Variants in RSPH14 observed in about 807,000 individuals in gnomAD.
RSPH14 encodes the protein rhabdoid tumor deletion region gene 1.
Under a neutral mutation model 26.7 loss-of-function variants are expected in RSPH14, and 20 were observed. The observed-to-expected ratio is 0.75, with a 90% CI of 0.53 to 1.09. The LOEUF is 1.09. RSPH14 is among the 50% of genes least tolerant of loss of function. RSPH14 has a pLI of 0.00. For missense variants in RSPH14, 449 were observed against 457.2 expected, an observed-to-expected ratio of 0.98 and a Z score of 0.16; for synonymous variants, 177 against 189.3, an observed-to-expected ratio of 0.93 and a Z score of 0.53.
chr22:23,145,493 C>G (rs774591776), upstream of RSPH14: 15 of 1,607,862 alleles, frequency 9.3e-6, no homozygotes, highest in South Asian at 1.6e-4. Context: ...ATGGTGATCG[C>G]CGCCGCTGGC....
chr22:23,118,611 C>T (rs1419839004), intron 4 of RSPH14, among the ~76,000 whole-genome samples: 2 of 152,204 alleles, frequency 1.3e-5, no homozygotes, highest in Non-Finnish European at 2.9e-5. Context: ...CCTCTTGAGG[C>T]CTTGGGCCCC....
At chr22:23,077,523 G>A (rs2068539765) in intron 4 of RSPH14, among the ~76,000 whole-genome samples, 7 of 152,184 alleles carry the variant, frequency 4.6e-5, no homozygotes. Context: ...AGCCTTCTTG[G>A]AATTGGGAGG....
the RSPH14 span, chr22:23,161,669 C>A: frequency 9.7e-7 from 1 of 1,035,594 alleles, no homozygotes; most frequent in Non-Finnish European, 1.4e-6. Flanking sequence ...GTGTCGCCCT[C>A]AAGCTGTAGG....
chr22:23,077,925 C>A (rs2068551026), intron 4 of RSPH14, among the ~76,000 whole-genome samples: 1 of 152,214 alleles, frequency 6.6e-6, no homozygotes, highest in Non-Finnish European at 1.5e-5. Context: ...GTGGCCAGGC[C>A]AGGGGAGGAG....
At chr22:23,094,180 G>C (rs144080781) in intron 4 of RSPH14, among the ~76,000 whole-genome samples, 1 of 152,138 alleles carries the variant, frequency 6.6e-6, no homozygotes, top group Admixed American at 6.5e-5. Flanking sequence ...GGATGGGGAG[G>C]CTGCGTGGGT....
chr22:23,060,025 A>C (rs559298998), intron 6 of RSPH14, among the ~76,000 whole-genome samples: 2 of 152,294 alleles, frequency 1.3e-5, no homozygotes, highest in South Asian at 2.1e-4. Flanking sequence ...ACAAAAATTT[A>C]AAAATTATCC....
the RSPH14 span, among the ~76,000 whole-genome samples, chr22:23,167,398 C>T: frequency 1.7e-4 from 26 of 152,292 alleles, no homozygotes; most frequent in Non-Finnish European, 2.9e-4. Context: ...CCACAGGGAC[C>T]GGAGCAAGGC....
chr22:23,080,421 A>G (rs1303557631), intron 4 of RSPH14, among the ~76,000 whole-genome samples: 1 of 152,338 alleles, frequency 6.6e-6, no homozygotes, highest in East Asian at 1.9e-4. Context: ...TGGGAGGCCC[A>G]GCCGGGGCAT....
chr22:23,105,613 G>A (rs544940588), intron 4 of RSPH14, among the ~76,000 whole-genome samples: 3 of 152,342 alleles, frequency 2.0e-5, no homozygotes, highest in Non-Finnish European at 4.4e-5. Context: ...ATCCTCTGGA[G>A]CTGAAACTAG....
chr22:23,160,795 A>G, the RSPH14 span: 43 of 1,537,192 alleles, frequency 2.8e-5, no homozygotes, highest in African/African-American at 5.2e-4. Context: ...ACCTGAGGGT[A>G]GGCTAGCCTG....
Position 23,064,075 on chromosome 22 carries a change from C to T in RSPH14, c.480G>A (p.Val160=), listed in dbSNP as rs2068149895. 1.2e-6 allele frequency: 2 copies of T among 1,614,074 alleles called. No individual in the cohort carries two copies. Among genetic ancestry groups the T allele is most frequent in the Non-Finnish European group, 1.7e-6 (2 of 1,180,040 alleles). Residue 160 remains valine (V), a synonymous_variant, in exon 5 of 7, where the codon GTG becomes GTA. Coordinates refer to ENST00000216036, the MANE Select transcript of RSPH14 (RefSeq NM_014433.3). ...CCTGGAACTCCTCCTCCTCCACCTC[C>T]ACCTGCAGCTTCCATACCAGTGAGG... ...LISSLVWKLQ[V]EVEEEEFQEF...
At chr22:23,178,488 T>C in the RSPH14 span, among the ~76,000 whole-genome samples, 3 of 152,100 alleles carry the variant, frequency 2.0e-5, no homozygotes, top group East Asian at 5.8e-4. Context: ...TCCAGCCCCT[T>C]TAGTGGCCAG....
chr22:23,163,285 A>T, the RSPH14 span: 1 of 154,992 alleles, frequency 6.5e-6, no homozygotes, highest in Non-Finnish European at 1.4e-5. Context: ...GCTGGCGTGC[A>T]ATGGCACGAT....
At chr22:23,089,236 C>A (rs2068895077) in intron 4 of RSPH14, among the ~76,000 whole-genome samples, 1 of 152,230 alleles carries the variant, frequency 6.6e-6, no homozygotes, top group Non-Finnish European at 1.5e-5. Context: ...GGCAGTGAGA[C>A]CTTCGGTGAC....
At chr22:23,064,775 C>T (rs1398102704) in intron 4 of RSPH14, among the ~76,000 whole-genome samples, 4 of 152,166 alleles carry the variant, frequency 2.6e-5, no homozygotes, top group Admixed American at 1.3e-4. Context: ...CCACATGGCA[C>T]AGCTGGGGTG....
At chr22:23,121,452 A>C (rs1426777022) in intron 4 of RSPH14, among the ~76,000 whole-genome samples, 1 of 152,086 alleles carries the variant, frequency 6.6e-6, no homozygotes, top group Non-Finnish European at 1.5e-5. Flanking sequence ...CTTTGGGCCC[A>C]CCCTGTAGGA....
chr22:23,130,084 G>GAAGAAAGA lies in RSPH14; in HGVS notation c.421+3934_421+3941dup, dbSNP rs1221656067. Reference sequence around the variant, plus strand: ...AAAAGAAAGAAAGAAAGAAAGAAAGGAAGAAAGAAAGAAAGAAAGAAAGAA... The same window carrying GAAGAAAGA: ...AAAAGAAAGAAAGAAAGAAAGAAAGGAAGAAAGAAAGAAAGAAAGAAAGAAAGAAAGAA... On this transcript the variant is annotated intron_variant, in intron 4 of 6. Transcript: ENST00000216036. Among the ~76,000 whole-genome samples, 300 of 51,788 alleles carry GAAGAAAGA rather than the reference G, an allele frequency of 5.8e-3. 6 individuals carry two copies. Among genetic ancestry groups the GAAGAAAGA allele is most frequent in the East Asian group, 9.7e-3 (19 of 1,968 alleles). 34.0% of individuals were successfully genotyped at this position (51,788 alleles called of 152,430 possible).
intron 4 of RSPH14, among the ~76,000 whole-genome samples, chr22:23,094,815 C>T (rs1042876916): frequency 1.4e-4 from 21 of 152,340 alleles, no homozygotes; most frequent in African/African-American, 3.6e-4. Context: ...GTCAGGGAGG[C>T]GCTCAGTTAT....
chr22:23,138,736 G>T, intron 3 of RSPH14, 104 bp downstream of exon 3: 1 of 935,108 alleles, frequency 1.1e-6, no homozygotes, highest in Middle Eastern at 3.3e-4. Flanking sequence ...AAAAACTGAT[G>T]CGGCAGACAA....
Sources: allele counts gnomAD v4.1 joint callset (sites outside exome capture counted in the v4.1 genomes callset), GRCh38; gene constraint gnomAD v4.1.1; transcripts MANE v1.5; gene names NCBI Gene and HGNC (gene_info 2026-07-23, HGNC 2026-07-21).